LRRC59: variants seen among roughly 807,000 people sequenced by gnomAD.
The protein encoded by LRRC59 is leucine rich repeat containing 59, also known as leucine-rich repeat-containing protein 59.
A neutral mutation model predicts 33.5 loss-of-function variants in LRRC59; 18 were observed. The ratio of observed to expected loss-of-function variants is 0.54; its 90% confidence interval spans 0.37 to 0.80. LRRC59 has a LOEUF of 0.80. Ranked by LOEUF, LRRC59 falls within the 30% of genes least tolerant of loss-of-function variation. The probability of loss-of-function intolerance (pLI) is 0.00; values close to 1 mark genes in which losing one functional copy is unlikely to be tolerated. For missense variants in LRRC59, 330 were observed against 391.9 expected (o/e 0.84, Z 1.33); for synonymous variants, 138 against 160.0 (o/e 0.86, Z 1.04).
Position 50,383,092 on chromosome 17 carries a change from G to C in LRRC59, c.820C>G (p.Gln274Glu). ...VACRVTELQQ[Q>E]PLCTSVNTIY... ...GTGTTCACGCTGGTGCAGAGGGGCT[G>C]CTGCTGCAGCTCTGTCACCCGACAA... The change falls in exon 7 of 7, where the codon CAG (glutamine) becomes GAG (glutamate). Residue 274 changes from glutamine to glutamate, a missense_variant. Physicochemically the swap from Gln to Glu is conservative, Grantham distance 29. Coordinates refer to ENST00000225972, the MANE Select transcript of LRRC59 (RefSeq NM_018509.4). 6.2e-7 allele frequency: 1 copy of C among 1,604,642 alleles called. No individual in the cohort carries two copies. The highest frequency in any genetic ancestry group is 1.3e-5 in the African/African-American group (1 of 74,972).
intron 4 of LRRC59, among the ~76,000 whole-genome samples, chr17:50,391,685 C>G (rs923435682): frequency 6.6e-6 from 1 of 152,210 alleles, no homozygotes; most frequent in Non-Finnish European, 1.5e-5. Flanking sequence ...TAATCAAATA[C>G]CAGGTCTGCC....
chr17:50,385,352 C>A, intron 5 of LRRC59, 61 bp from the exon 6 acceptor site: 1 of 1,549,994 alleles, frequency 6.5e-7, no homozygotes. Flanking sequence ...AGTTTGCTTT[C>A]CCAAGTGATT....
At chr17:50,385,893 A>C (rs1390017440) in intron 5 of LRRC59, among the ~76,000 whole-genome samples, 1 of 151,994 alleles carries the variant, frequency 6.6e-6, no homozygotes, top group Non-Finnish European at 1.5e-5. Flanking sequence ...GACTGTCTAT[A>C]AAAAAACGAA....
At chr17:50,397,013 A>C (rs1225004033) in intron 1 of LRRC59, 200 bp downstream of exon 1, 1 of 438,314 alleles carries the variant, frequency 2.3e-6, no homozygotes, top group African/African-American at 2.0e-5. Flanking sequence ...TATGTTCTGG[A>C]ACTGCGCCAA....
intron 6 of LRRC59, among the ~76,000 whole-genome samples, chr17:50,383,533 A>T (rs1424381406): frequency 6.6e-6 from 1 of 152,158 alleles, no homozygotes; most frequent in Non-Finnish European, 1.5e-5. Context: ...GGGATCGCAG[A>T]GGGAGAGGCT....
intron 5 of LRRC59, chr17:50,386,235 C>T (rs1914000283): frequency 2.0e-5 from 3 of 152,134 alleles, no homozygotes; most frequent in African/African-American, 7.2e-5. Flanking sequence ...CACCACTGCA[C>T]TAGGACCAGC....
chr17:50,385,392 G>A, intron 5 of LRRC59, 101 bp from the exon 6 acceptor site: 1 of 1,224,718 alleles, frequency 8.2e-7, no homozygotes, highest in Non-Finnish European at 1.1e-6. Flanking sequence ...CCTTTACCCT[G>A]GTGCCATGGT....
chr17:50,391,046 G>A (rs1043965996), intron 4 of LRRC59, among the ~76,000 whole-genome samples: 2 of 152,210 alleles, frequency 1.3e-5, no homozygotes, highest in Admixed American at 1.3e-4. Flanking sequence ...TATATGCTGA[G>A]GGTTTCTTGT....
intron 4 of LRRC59, among the ~76,000 whole-genome samples, chr17:50,391,244 A>G (rs927305069): frequency 6.6e-6 from 1 of 152,202 alleles, no homozygotes; most frequent in Non-Finnish European, 1.5e-5. Flanking sequence ...GTTCTCATCT[A>G]AGGGAAAACT....
intron 6 of LRRC59, 100 bp downstream of exon 6, chr17:50,385,014 TTATC>T: frequency 7.6e-7 from 1 of 1,307,338 alleles, no homozygotes; most frequent in South Asian, 1.4e-5. Context: ...AGAGTGTACT[TTATC>T]TAAGGTTTGC....
rs1567821083 is a variant in LRRC59 at position 50,388,107 on chromosome 17, T to C, written c.455A>G (p.Gln152Arg). 3 of 1,614,230 alleles carry C rather than the reference T, an allele frequency of 1.9e-6. No individual in the cohort carries two copies. In the East Asian group the frequency reaches 6.7e-5, roughly 36 times the overall value. The change falls in exon 5 of 7, where the codon CAG (glutamine) becomes CGG (arginine). Residue 152 changes from glutamine (Q) to arginine (R), a missense_variant. Transcript: ENST00000225972. ...NKVLQHMKAV[Q>R]ADQERERQRR... ...CTGCCTCTCCCGCTCCTGATCTGCCTGCACGGCCTTCATGTGCTGTAACAC... is the reference window on the plus strand; with the variant it reads ...CTGCCTCTCCCGCTCCTGATCTGCCCGCACGGCCTTCATGTGCTGTAACAC...
At chr17:50,394,721 G>C (rs982138478) in intron 2 of LRRC59, among the ~76,000 whole-genome samples, 1 of 152,108 alleles carries the variant, frequency 6.6e-6, no homozygotes, top group Non-Finnish European at 1.5e-5. Flanking sequence ...TGAAGAATGA[G>C]GCCTCCATCT....
rs1241959929 is a variant in LRRC59 at position 50,381,388 on chromosome 17, G to A, written c.*1600C>T. 1.1e-5 allele frequency: 2 copies of A among 188,192 alleles called. No individual in the cohort carries two copies. Among genetic ancestry groups the A allele is most frequent in the Non-Finnish European group, 2.3e-5 (2 of 88,438 alleles). The allele number at this position is 188,192 out of a possible 1,614,324, so 11.7% of individuals were successfully genotyped here. On this transcript the variant is annotated 3_prime_UTR_variant, in exon 7 of 7. Transcript: ENST00000225972. Reference sequence around the variant, plus strand: ...GGAACGGGATTATGATGACTATGCGGACTTCTATATTGTCTTCATCTCATT... The same window carrying A: ...GGAACGGGATTATGATGACTATGCGAACTTCTATATTGTCTTCATCTCATT...
rs1027055875 is a variant in LRRC59, at chr17:50,383,123, C to G, written c.789G>C (p.Leu263=). ...LLLLFGVAGG[L]VACRVTELQQ... The stretch of plus-strand genomic sequence containing the variant: ...GCAGCTCTGTCACCCGACAAGCAAC[C>G]AGCCCTCCCGCCACACCAAATAGCA... The change falls in exon 7 of 7, where the codon CTG becomes CTC. Residue 263 remains leucine, a synonymous_variant. Transcript: ENST00000225972. 3 of 1,556,054 alleles carry G rather than the reference C, an allele frequency of 1.9e-6. No homozygotes were observed. The African/African-American group carries it at 4.1e-5, about 21-fold the overall frequency.
rs1015249654 is a variant in LRRC59 at position 50,387,946 on chromosome 17, C to G, written c.502+114G>C. ...ATCCACCACAATACTGTCCCCCCAC[C>G]GCCCACTAACTGTTCTTCATGACTA... is the stretch of plus-strand genomic sequence containing the variant. On this transcript the variant is annotated intron_variant, in intron 5 of 6. Transcript: ENST00000225972. The G allele has an allele frequency of 9.2e-6, 9 of 978,140 alleles. No individual in the cohort carries two copies. In the African/African-American group the frequency reaches 1.4e-4, roughly 16 times the overall value. The allele number at this position is 978,140 out of a possible 1,614,324, so 60.6% of individuals were successfully genotyped here.
chr17:50,394,233 G>C (rs961623315), intron 2 of LRRC59, among the ~76,000 whole-genome samples: 8 of 152,168 alleles, frequency 5.3e-5, no homozygotes, highest in African/African-American at 1.9e-4. Context: ...GCAAGGAGTG[G>C]CACGGCTAGA....
Position 50,382,626 on chromosome 17 carries a change from C to G in LRRC59, c.*362G>C, listed in dbSNP as rs562141195. On this transcript the variant is annotated 3_prime_UTR_variant, in exon 7 of 7. Transcript: ENST00000225972. Reference sequence around the variant, plus strand: ...GAGGAATGAAAGGGTTTGTGGCATACAAAAGTATAAATGTAGTGACAGCTG... The same window carrying G: ...GAGGAATGAAAGGGTTTGTGGCATAGAAAAGTATAAATGTAGTGACAGCTG... 4 of 250,416 alleles carry G rather than the reference C, an allele frequency of 1.6e-5. No individual in the cohort carries two copies. In the South Asian group the frequency reaches 2.3e-4, roughly 14 times the overall value. 15.5% of individuals were successfully genotyped at this position (250,416 alleles called of 1,614,324 possible).
rs1015765609 is a variant in LRRC59, at chr17:50,381,626, C to G, written c.*1362G>C. On this transcript the variant is annotated 3_prime_UTR_variant, in exon 7 of 7. Coordinates refer to ENST00000225972, the MANE Select transcript of LRRC59 (RefSeq NM_018509.4). ...AAGGTCATTAGGGCTAAAAGGCCCT[C>G]TGTGTCTCTGAACTATGAGATTCTT... The G allele has an allele frequency of 1.3e-5, 2 of 152,676 alleles. No homozygotes were observed. Among genetic ancestry groups the G allele is most frequent in the African/African-American group, 2.4e-5 (1 of 41,464 alleles). The allele number at this position is 152,676 out of a possible 1,614,324, so 9.5% of individuals were successfully genotyped here.
rs551908739 is a variant in LRRC59, at chr17:50,385,179, G to A, written c.615C>T (p.Ala205=). 5 of 1,613,982 alleles carry A rather than the reference G, an allele frequency of 3.1e-6. No homozygotes were observed. The highest frequency in any genetic ancestry group is 4.2e-6 in the Non-Finnish European group (5 of 1,180,030). ...EKERRRKEYD[A]LKAAKREQEK... The stretch of plus-strand genomic sequence containing the variant: ...CCTGCTCCCGCTTGGCTGCTTTGAG[G>A]GCATCATACTCCTTTCTCCGGCGCT... Residue 205 remains alanine, a synonymous_variant, in exon 6 of 7, where the codon GCC becomes GCT. Coordinates refer to ENST00000225972, the MANE Select transcript of LRRC59 (RefSeq NM_018509.4).
Sources: gnomAD v4.1 joint callset for allele counts (sites outside exome capture counted in the v4.1 genomes callset) on GRCh38, gnomAD v4.1.1 for gene constraint, MANE v1.5 for transcripts, NCBI Gene and HGNC (gene_info 2026-07-23, HGNC 2026-07-21) for gene names.